SRRM4: variants seen among roughly 807,000 people sequenced by gnomAD.
The protein encoded by SRRM4 is serine/arginine repetitive matrix 4, also known as serine/arginine repetitive matrix protein 4.
In SRRM4, 33 loss-of-function variants were observed where a neutral mutation model predicts 68.9. That is an observed-to-expected ratio of 0.48 (90% CI 0.36 to 0.64). SRRM4 has a LOEUF of 0.64. Among genes scored for constraint, SRRM4 ranks in the 30% least tolerant of loss-of-function variants. The pLI is 0.00. For synonymous variants in SRRM4, 318 were observed against 318.8 expected (o/e 1.00, Z 0.03); for missense variants, 817 against 827.1 (o/e 0.99, Z 0.15).
chr12:119,022,362 G>T (rs1953521611), intron 1 of SRRM4, among the ~76,000 whole-genome samples: 1 of 152,176 alleles, frequency 6.6e-6, no homozygotes, highest in Non-Finnish European at 1.5e-5. Flanking sequence ...TAAGGATTCA[G>T]TCACAACCAT....
intron 2 of SRRM4, among the ~76,000 whole-genome samples, chr12:119,108,491 G>T (rs1173911138): frequency 1.3e-5 from 2 of 152,114 alleles, no homozygotes; most frequent in Non-Finnish European, 2.9e-5. Context: ...TTTTGAATCT[G>T]GGTGCTCCTG....
At chr12:119,062,623 C>T (rs1342495683) in intron 1 of SRRM4, among the ~76,000 whole-genome samples, 1 of 152,204 alleles carries the variant, frequency 6.6e-6, no homozygotes, top group African/African-American at 2.4e-5. Context: ...AACCTTTAAA[C>T]TGTTTTAAAC....
intron 1 of SRRM4, among the ~76,000 whole-genome samples, chr12:119,048,275 GT>G (rs1157687128): frequency 6.6e-6 from 1 of 152,156 alleles, no homozygotes; most frequent in East Asian, 1.9e-4. Flanking sequence ...CCCTAACCCA[GT>G]TCCAAATCAG....
intron 1 of SRRM4, among the ~76,000 whole-genome samples, chr12:119,025,244 C>A (rs144447561): frequency 6.6e-6 from 1 of 151,636 alleles, no homozygotes; most frequent in South Asian, 2.1e-4. Context: ...GGCAGAGGAT[C>A]GGGCAGTGCA....
chr12:119,113,700 A>C (rs1954158905), intron 2 of SRRM4, among the ~76,000 whole-genome samples: 1 of 152,244 alleles, frequency 6.6e-6, no homozygotes, highest in Non-Finnish European at 1.5e-5. Context: ...AAAGAAGATA[A>C]CTTGACTTCA....
At chr12:119,012,157 C>T (rs769756547) in intron 1 of SRRM4, among the ~76,000 whole-genome samples, 2 of 152,182 alleles carry the variant, frequency 1.3e-5, no homozygotes, top group African/African-American at 2.4e-5. Context: ...TCCCTGGGAT[C>T]ATCGTCTGGG....
At chr12:119,156,246 T>G (rs576729170) in intron 12 of SRRM4, among the ~76,000 whole-genome samples, 1 of 152,240 alleles carries the variant, frequency 6.6e-6, no homozygotes, top group Non-Finnish European at 1.5e-5. Context: ...CTGAAGGCTC[T>G]GAGCTCCAGG....
Position 119,159,882 on chromosome 12 carries a change from GA to G in SRRM4, c.*3098del, listed in dbSNP as rs11305482. On this transcript the variant is annotated 3_prime_UTR_variant, in exon 13 of 13. Transcript: ENST00000267260. ...AGCACAAAGCTATTTCTGAAATTAGGAAAAAAAAAAAAAAGGTGGAAGGAGC... is the reference window on the plus strand; with the variant it reads ...AGCACAAAGCTATTTCTGAAATTAGGAAAAAAAAAAAAAGGTGGAAGGAGC... 0.23 allele frequency: 32,321 copies of G among 138,016 alleles called. 3,750 individuals are homozygous for G. The highest frequency in any genetic ancestry group is 0.32 in the African/African-American group (12,172 of 38,258). 8.5% of individuals were successfully genotyped at this position (138,016 alleles called of 1,614,324 possible).
At chr12:118,987,791 G>A (rs1299641380) in intron 1 of SRRM4, among the ~76,000 whole-genome samples, 1 of 152,170 alleles carries the variant, frequency 6.6e-6, no homozygotes. Context: ...GGCCCATTGG[G>A]GAGAAAAAAG....
intron 1 of SRRM4, among the ~76,000 whole-genome samples, chr12:119,097,392 C>T (rs1049091998): frequency 1.3e-5 from 2 of 152,210 alleles, no homozygotes; most frequent in South Asian, 2.1e-4. Context: ...CACATGAGAT[C>T]GGTAATCACA....
In SRRM4 at chr12:118,992,600, G is replaced by A. The variant is rs375650966; in HGVS notation, c.131+10587G>A. Among the ~76,000 whole-genome samples the A allele has an allele frequency of 7.7e-4, 118 of 152,342 alleles. 1 individual carries two copies. Among genetic ancestry groups the A allele is most frequent in the African/African-American group, 2.6e-3 (108 of 41,574 alleles). On this transcript the variant is annotated intron_variant, in intron 1 of 12. Transcript: ENST00000267260. ...GGGCAGGTATCTGAGCAGTGGTGCA[G>A]GATTTATCATATGGATGGTTGTTTG...
intron 1 of SRRM4, among the ~76,000 whole-genome samples, chr12:118,993,472 A>C (rs35508299): frequency 0.26 from 40,199 of 152,228 alleles, 6,071 homozygotes; most frequent in Middle Eastern, 0.47. Flanking sequence ...TGGGCCCCCA[A>C]AATTGAAAGG....
At chr12:119,134,700 G>T (rs533472360) in intron 8 of SRRM4, among the ~76,000 whole-genome samples, 1 of 152,138 alleles carries the variant, frequency 6.6e-6, no homozygotes, top group Non-Finnish European at 1.5e-5. Context: ...CAGCATCAAA[G>T]CCAGCTTCCT....
chr12:119,063,835 C>G (rs1400325953), intron 1 of SRRM4, among the ~76,000 whole-genome samples: 1 of 152,120 alleles, frequency 6.6e-6, no homozygotes, highest in African/African-American at 2.4e-5. Context: ...AGTATCTATT[C>G]TCTTGTGAAT....
chr12:119,145,044 C>T (rs1954392109), intron 8 of SRRM4, among the ~76,000 whole-genome samples: 3 of 152,042 alleles, frequency 2.0e-5, no homozygotes, highest in Non-Finnish European at 4.4e-5. Context: ...AGGGTGTTTA[C>T]ACCCCCTTTC....
intron 8 of SRRM4, among the ~76,000 whole-genome samples, chr12:119,139,538 T>C (rs562248911): frequency 2.6e-5 from 4 of 152,262 alleles, no homozygotes; most frequent in East Asian, 1.9e-4. Flanking sequence ...CAATACCAAG[T>C]AGAGTTCAGC....
intron 2 of SRRM4, among the ~76,000 whole-genome samples, chr12:119,109,734 G>A (rs1954130836): frequency 6.6e-6 from 1 of 152,062 alleles, no homozygotes; most frequent in South Asian, 2.1e-4. Flanking sequence ...CTTTTTTCAA[G>A]GTTTTTAGCT....
intron 8 of SRRM4, among the ~76,000 whole-genome samples, chr12:119,133,586 G>A (rs1442042553): frequency 3.3e-5 from 5 of 152,140 alleles, no homozygotes; most frequent in African/African-American, 7.2e-5. Context: ...CTCATGCATG[G>A]CCCTTTCTCG....
chr12:119,138,490 A>T (rs990357664), intron 8 of SRRM4, among the ~76,000 whole-genome samples: 2 of 152,130 alleles, frequency 1.3e-5, no homozygotes, highest in Admixed American at 6.5e-5. Flanking sequence ...TAGAGAATTG[A>T]TGCTCCAGTG....
Sources: gnomAD v4.1 joint callset for allele counts (sites outside exome capture counted in the v4.1 genomes callset) on GRCh38, gnomAD v4.1.1 for gene constraint, MANE v1.5 for transcripts, NCBI Gene and HGNC (gene_info 2026-07-23, HGNC 2026-07-21) for gene names.